The following AGL variants were observed in gnomAD, a reference collection of about 807,000 sequenced individuals.
AGL encodes glycogen debranching enzyme.
A neutral mutation model predicts 199.3 loss-of-function variants in AGL; 128 were observed. The ratio of observed to expected loss-of-function variants is 0.64; its 90% confidence interval spans 0.56 to 0.74. The LOEUF (loss-of-function observed/expected upper bound fraction) is 0.74, where lower values mean the gene tolerates loss of function less well. Among genes scored for constraint, AGL ranks in the 30% least tolerant of loss-of-function variants. The pLI is 0.00. For synonymous variants in AGL, 584 were observed against 594.7 expected (o/e 0.98, Z 0.26); for missense variants, 1,809 against 1,820.8 (o/e 0.99, Z 0.12).
At chr1:99,872,533 TC>T (rs1014916745) in intron 7 of AGL, among the ~76,000 whole-genome samples, 4 of 85,950 alleles carry the variant, frequency 4.7e-5, no homozygotes, top group African/African-American at 2.7e-4. Context: ...AATTTACATT[TC>T]TTTTTTTTTT....
intron 27 of AGL, among the ~76,000 whole-genome samples, chr1:99,904,387 G>C (rs1157514551): frequency 6.6e-6 from 1 of 152,168 alleles, no homozygotes; most frequent in Non-Finnish European, 1.5e-5. Flanking sequence ...ATGATACATA[G>C]TATGCCATGA....
chr1:99,894,914 A>T (rs145881891), intron 24 of AGL, among the ~76,000 whole-genome samples: 44 of 152,330 alleles, frequency 2.9e-4, no homozygotes, highest in African/African-American at 1.0e-3. Flanking sequence ...AGATATATGC[A>T]TTCAACAGAT....
chr1:99,916,718 G>A lies in AGL; in HGVS notation c.4468G>A (p.Val1490Ile). 6.2e-7 allele frequency: 1 copy of A among 1,613,260 alleles called. No individual in the cohort carries two copies. The highest frequency in any genetic ancestry group is 8.5e-7 in the Non-Finnish European group (1 of 1,179,496). The stretch of plus-strand genomic sequence containing the variant: ...TAAAAATGTTCTTTCCCGACATTAT[G>A]TTCATCTTGAGAGGTAAGTCATCAG... ...LVKNVLSRHY[V>I]HLERSPWKGL... is the part of the protein sequence containing the mutation. Residue 1490 changes from valine to isoleucine, a missense_variant, in exon 33 of 34, where the codon GTT becomes ATT. Physicochemically the swap from Val to Ile is conservative, Grantham distance 29. Coordinates refer to ENST00000361915, the MANE Select transcript of AGL (RefSeq NM_000642.3).
At position 99,888,120 on chromosome 1, in the gene AGL, G is replaced by C; in HGVS notation, c.2812+12G>C. 6.2e-7 allele frequency: 1 copy of C among 1,611,870 alleles called. No individual in the cohort carries two copies. The stretch of plus-strand genomic sequence containing the variant: ...TGCAGGTCTTCAAGGTAAGCAAATG[G>C]AAGGATAGCTGAGCTTTGTGTTTTT... On this transcript the variant is annotated intron_variant, in intron 21 of 33. Transcript: ENST00000361915.
chr1:99,863,180 T>C (rs1650210837), intron 4 of AGL, among the ~76,000 whole-genome samples: 1 of 152,032 alleles, frequency 6.6e-6, no homozygotes, highest in Non-Finnish European at 1.5e-5. Flanking sequence ...CCTCGTGATC[T>C]GCCCACCTTG....
chr1:99,912,495 T>A lies in AGL; in HGVS notation c.3927T>A (p.His1309Gln), dbSNP rs1200885928. Reference protein sequence around the residue: ...ELSKKNIFPYHEVTVKRHGKA... With the variant: ...ELSKKNIFPYQEVTVKRHGKA... ...CCAAAAAAAATATTTTCCCTTATCA[T>A]GAAGTCACAGTAAAAAGACATGGTA... Residue 1309 changes from histidine (H) to glutamine (Q), a missense_variant, in exon 29 of 34, where the codon CAT becomes CAA. Transcript: ENST00000361915. 1.9e-6 allele frequency: 3 copies of A among 1,613,442 alleles called. No individual in the cohort carries two copies. The highest frequency in any genetic ancestry group is 2.2e-5 in the East Asian group (1 of 44,840).
intron 2 of AGL, among the ~76,000 whole-genome samples, chr1:99,851,728 C>A (rs1271760074): frequency 6.6e-6 from 1 of 152,066 alleles, no homozygotes; most frequent in African/African-American, 2.4e-5. Flanking sequence ...TTCTACAAGG[C>A]TAGTTAATAG....
chr1:99,870,829 C>A lies in AGL; in HGVS notation c.918C>A (p.Val306=). ...LKLWEFFQVD[V]NKAVEQFRRL... ...TCTGGGAATTTTTCCAAGTAGATGT[C>A]AACAAAGCGGTTGAGCAATTTAGAA... The change falls in exon 7 of 34, where the codon GTC becomes GTA. Residue 306 remains valine (V), a synonymous_variant. Transcript: ENST00000361915. The A allele has an allele frequency of 6.2e-7, 1 of 1,610,840 alleles. No individual in the cohort carries two copies. Among genetic ancestry groups the A allele is most frequent in the South Asian group, 1.1e-5 (1 of 90,988 alleles).
In AGL at chr1:99,923,719, T is replaced by G. The variant is rs1202280766; in HGVS notation, c.*2068T>G. On this transcript the variant is annotated 3_prime_UTR_variant, in exon 34 of 34. Coordinates refer to ENST00000361915, the MANE Select transcript of AGL (RefSeq NM_000642.3). ...TTGACTAAACGTTTCGGTAGAATGC[T>G]TCATACTTGAGTGATGCTGGATAAG... 6.6e-6 allele frequency: 1 copy of G among 152,222 alleles called. No individual in the cohort carries two copies. The highest frequency in any genetic ancestry group is 1.5e-5 in the Non-Finnish European group (1 of 68,036). 9.4% of individuals were successfully genotyped at this position (152,222 alleles called of 1,614,324 possible). A position where few individuals can be genotyped will look rare whatever the true frequency, so the allele number is the denominator to read the frequency against.
intron 12 of AGL, 24 bp downstream of exon 12, chr1:99,877,852 A>G (rs1651684298): frequency 6.2e-7 from 1 of 1,609,622 alleles, no homozygotes; most frequent in Non-Finnish European, 8.5e-7. Flanking sequence ...ATTTATCTAC[A>G]TTAAGAAAAG....
intron 7 of AGL, among the ~76,000 whole-genome samples, chr1:99,872,954 A>G (rs1192131980): frequency 6.6e-6 from 1 of 152,026 alleles, no homozygotes; most frequent in Non-Finnish European, 1.5e-5. Flanking sequence ...CTCTTTTTTT[A>G]TATCGACATT....
In AGL at chr1:99,884,376, C is replaced by T; in HGVS notation, c.2471C>T (p.Ala824Val). ...AAAATTGTTAAACAAGCTGGAGTTG[C>T]CACAAAAGGGCCCAATGAATATATT... The part of the protein sequence containing the change: ...ESKIVKQAGV[A>V]TKGPNEYIQE... Residue 824 changes from alanine (A) to valine (V), a missense_variant, in exon 19 of 34, where the codon GCC (alanine) becomes GTC (valine). By Grantham distance (64) the Ala-to-Val change is moderately conservative. Transcript: ENST00000361915. The T allele has an allele frequency of 1.9e-6, 3 of 1,611,512 alleles. No individual in the cohort carries two copies. The highest frequency in any genetic ancestry group is 2.5e-6 in the Non-Finnish European group (3 of 1,178,962).
intron 5 of AGL, among the ~76,000 whole-genome samples, chr1:99,865,931 A>C (rs1453475050): frequency 2.6e-5 from 4 of 152,178 alleles, no homozygotes; most frequent in Admixed American, 2.6e-4. Context: ...CTACGGTGAA[A>C]ACTTCATAAT....
intron 20 of AGL, 136 bp downstream of exon 20, chr1:99,884,839 C>A: frequency 9.7e-7 from 1 of 1,028,018 alleles, no homozygotes; most frequent in South Asian, 1.4e-5. Flanking sequence ...GTCAGCATCA[C>A]CTGTTGTTAA....
intron 2 of AGL, among the ~76,000 whole-genome samples, chr1:99,854,837 A>C (rs1422415422): frequency 6.6e-6 from 1 of 152,126 alleles, no homozygotes; most frequent in Admixed American, 6.6e-5. Context: ...ATTGGAGACA[A>C]GAAGCATTGA....
chr1:99,859,142 G>T (rs963194172), intron 2 of AGL, among the ~76,000 whole-genome samples: 1 of 152,076 alleles, frequency 6.6e-6, no homozygotes, highest in African/African-American at 2.4e-5. Flanking sequence ...GTTTGTACTT[G>T]TTCAAAATGA....
At chr1:99,852,622 C>G (rs956197476) in intron 2 of AGL, 2 of 749,706 alleles carry the variant, frequency 2.7e-6, no homozygotes, top group East Asian at 5.0e-5. Context: ...GCAACCCTCC[C>G]TCTTTGGCCT....
chr1:99,878,384 TTAACATTA>T (rs1651732741), intron 12 of AGL, among the ~76,000 whole-genome samples: 1 of 151,920 alleles, frequency 6.6e-6, no homozygotes, highest in Non-Finnish European at 1.5e-5. Context: ...AAAATAAACA[TTAACATTA>T]TAGCATATTG....
rs1337245020 is a variant in AGL, at chr1:99,915,435, T to C, written c.4208T>C (p.Ile1403Thr). 3 of 1,613,844 alleles carry C rather than the reference T, an allele frequency of 1.9e-6. No individual in the cohort carries two copies. Among genetic ancestry groups the C allele is most frequent in the Non-Finnish European group, 1.7e-6 (2 of 1,179,986 alleles). Residue 1403 changes from isoleucine to threonine, a missense_variant, in exon 31 of 34, where the codon ATT (isoleucine) becomes ACT (threonine). Coordinates refer to ENST00000361915, the MANE Select transcript of AGL (RefSeq NM_000642.3). Reference protein sequence around the residue: ...TTEKAWKALEIAEKKLLGPLG... With the variant: ...TTEKAWKALETAEKKLLGPLG... Reference sequence around the variant, plus strand: ...GAAAAAGCATGGAAAGCTTTGGAGATTGCAGAAAAAAAATTGCTTGGTCCC... The same window carrying C: ...GAAAAAGCATGGAAAGCTTTGGAGACTGCAGAAAAAAAATTGCTTGGTCCC...
Sources: allele counts gnomAD v4.1 joint callset (sites outside exome capture counted in the v4.1 genomes callset), GRCh38; gene constraint gnomAD v4.1.1; transcripts MANE v1.5; gene names NCBI Gene and HGNC (gene_info 2026-07-23, HGNC 2026-07-21).